PITPNA: variants seen among roughly 807,000 people sequenced by gnomAD.
PITPNA encodes phosphatidylinositol transfer protein alpha, also known as phosphatidylinositol transfer protein alpha isoform.
Under a neutral mutation model 50.3 loss-of-function variants are expected in PITPNA, and 13 were observed. That is an observed-to-expected ratio of 0.26 (90% CI 0.17 to 0.41). PITPNA has a LOEUF of 0.41. PITPNA is among the 10% of genes least tolerant of loss of function. The probability of loss-of-function intolerance (pLI) is 1.00; values close to 1 mark genes in which losing one functional copy is unlikely to be tolerated. For missense variants in PITPNA, 207 were observed against 333.4 expected, an observed-to-expected ratio of 0.62 and a Z score of 2.95; for synonymous variants, 120 against 119.6, an observed-to-expected ratio of 1.00 and a Z score of -0.02.
At chr17:1,546,592 C>T (rs1342324594) in intron 4 of PITPNA, among the ~76,000 whole-genome samples, 1 of 152,132 alleles carries the variant, frequency 6.6e-6, no homozygotes, top group Non-Finnish European at 1.5e-5. Flanking sequence ...GGGAGGACCC[C>T]GCAGCCCAAC....
chr17:1,528,607 G>A (rs1344358110), intron 10 of PITPNA, among the ~76,000 whole-genome samples: 2 of 151,916 alleles, frequency 1.3e-5, no homozygotes, highest in Non-Finnish European at 2.9e-5. Flanking sequence ...GTGTAGTGGT[G>A]GGACCTGAAG....
rs1282119818 is a variant in PITPNA, at chr17:1,520,102, GAGCACTCAAAATTGCGA to G, written c.*442_*458del. On this transcript the variant is annotated 3_prime_UTR_variant, in exon 12 of 12. Transcript: ENST00000313486. ...TTTAGCTCATCCCCGCTCCCCACAG[GAGCACTCAAAATTGCGA>G]AGATCTTCCCAGGAAGCAAAATACC... 2 of 152,156 alleles carry G rather than the reference GAGCACTCAAAATTGCGA, an allele frequency of 1.3e-5. No individual in the cohort carries two copies. The highest frequency in any genetic ancestry group is 2.9e-5 in the Non-Finnish European group (2 of 68,042). 9.4% of individuals were successfully genotyped at this position (152,156 alleles called of 1,614,324 possible).
intron 1 of PITPNA, among the ~76,000 whole-genome samples, chr17:1,560,401 C>CT (rs2075762175): frequency 1.3e-5 from 2 of 152,160 alleles, no homozygotes; most frequent in South Asian, 4.1e-4. Flanking sequence ...CCTGATGCCC[C>CT]TGCTCCTCCC....
At chr17:1,536,389 G>A (rs1048137779) in intron 7 of PITPNA, among the ~76,000 whole-genome samples, 5 of 149,182 alleles carry the variant, frequency 3.4e-5, no homozygotes, top group Admixed American at 6.8e-5. Context: ...CCAAGTTCAC[G>A]CCATTCTCCT....
chr17:1,521,514 G>T, intron 11 of PITPNA, 65 bp downstream of exon 11: 1 of 1,082,610 alleles, frequency 9.2e-7, no homozygotes, highest in Non-Finnish European at 1.4e-6. Context: ...GTGAGCTGCT[G>T]AGGCCTTGAA....
At chr17:1,552,324 C>T (rs1233690625) in intron 3 of PITPNA, among the ~76,000 whole-genome samples, 3 of 152,222 alleles carry the variant, frequency 2.0e-5, no homozygotes, top group East Asian at 1.9e-4. Context: ...CTTGGTTTGA[C>T]TTCCACTCAA....
At chr17:1,536,933 C>G (rs2075621601) in intron 7 of PITPNA, among the ~76,000 whole-genome samples, 1 of 136,704 alleles carries the variant, frequency 7.3e-6, no homozygotes, top group Admixed American at 7.7e-5. Flanking sequence ...GAGTTTCGCT[C>G]TGTCGCCCAG....
chr17:1,560,095 C>T (rs2075760278), intron 1 of PITPNA, among the ~76,000 whole-genome samples: 1 of 152,196 alleles, frequency 6.6e-6, no homozygotes, highest in Non-Finnish European at 1.5e-5. Flanking sequence ...GAAAAATCAA[C>T]AGGGGCAACC....
chr17:1,528,417 C>G (rs1400533316), intron 10 of PITPNA, among the ~76,000 whole-genome samples: 1 of 152,158 alleles, frequency 6.6e-6, no homozygotes. Context: ...GCTAGGATTA[C>G]AGGCTTTTGA....
chr17:1,536,454 ATT>A (rs200916480), intron 7 of PITPNA, among the ~76,000 whole-genome samples: 38 of 151,230 alleles, frequency 2.5e-4, no homozygotes, highest in African/African-American at 7.3e-4. Flanking sequence ...TGCCCGGCTA[ATT>A]TTTTTTGTAT....
At chr17:1,534,301 G>T in intron 9 of PITPNA, 80 bp from the exon 10 acceptor site, 1 of 1,559,224 alleles carries the variant, frequency 6.4e-7, no homozygotes, top group Non-Finnish European at 8.8e-7. Context: ...CACTCCACAC[G>T]AATACCCACA....
chr17:1,535,467 G>A lies in PITPNA; in HGVS notation c.508C>T (p.Arg170Ter). The A allele has an allele frequency of 2.5e-6, 4 of 1,613,390 alleles. No individual in the cohort carries two copies. The highest frequency in any genetic ancestry group is 1.3e-5 in the African/African-American group (1 of 75,016). The change falls in exon 8 of 12, where the codon CGA becomes TGA. Residue 170 changes from arginine to a stop codon, truncating the protein, a stop_gained. Transcript: ENST00000313486. LOFTEE classifies it high-confidence loss of function. ...TTCCAATTGGGGCCCAAGGGTCCTCGGCCTGTTTTGATAGATTTAAATTTT... is the reference window on the plus strand; with the variant it reads ...TTCCAATTGGGGCCCAAGGGTCCTCAGCCTGTTTTGATAGATTTAAATTTT... ...PAKFKSIKTG[R>*]GPLGPNWKQE... is the part of the protein sequence containing the mutation.
At chr17:1,560,758 A>C (rs1945887856) in intron 1 of PITPNA, among the ~76,000 whole-genome samples, 1 of 152,188 alleles carries the variant, frequency 6.6e-6, no homozygotes. Flanking sequence ...TGGCATCGTA[A>C]AGTTCTTCCT....
Position 1,541,572 on chromosome 17 carries a change from C to T in PITPNA, c.366G>A (p.Gln122=). The change falls in exon 6 of 12, where the codon CAG becomes CAA. Residue 122 remains glutamine (Q), a synonymous_variant. Transcript: ENST00000313486. ...TTTGGGAACTACTACTCACATTCTC[C>T]TGCGTGCCAAGATCTGGTTTGTGCC... is the stretch of plus-strand genomic sequence containing the variant. ...ETWHKPDLGT[Q]ENVHKLEPEA... is the part of the protein sequence containing the mutation. The T allele has an allele frequency of 6.2e-7, 1 of 1,612,254 alleles. No homozygotes were observed. The highest frequency in any genetic ancestry group is 8.5e-7 in the Non-Finnish European group (1 of 1,178,368).
intron 2 of PITPNA, among the ~76,000 whole-genome samples, chr17:1,555,824 A>G (rs898141165): frequency 2.0e-5 from 3 of 152,176 alleles, no homozygotes; most frequent in Admixed American, 2.0e-4. Context: ...TGGTGGACAC[A>G]CCCCGTCAAA....
chr17:1,537,089 C>T lies in PITPNA; in HGVS notation c.457-1571G>A, dbSNP rs567617969. Reference sequence around the variant, plus strand: ...AATTTTGTATTTTTTTTTTTTGACACAGTTTCACTCTTTTTGCCCAGGCTG... The same window carrying T: ...AATTTTGTATTTTTTTTTTTTGACATAGTTTCACTCTTTTTGCCCAGGCTG... On this transcript the variant is annotated intron_variant, in intron 7 of 11. Coordinates refer to ENST00000313486, the MANE Select transcript of PITPNA (RefSeq NM_006224.4). Among the ~76,000 whole-genome samples the T allele has an allele frequency of 1.1e-4, 16 of 150,284 alleles. 1 individual carries two copies. The South Asian group carries it at 3.4e-3, about 31-fold the overall frequency.
chr17:1,526,913 CCA>C (rs1200167709), intron 10 of PITPNA, among the ~76,000 whole-genome samples: 1 of 152,062 alleles, frequency 6.6e-6, no homozygotes, highest in Non-Finnish European at 1.5e-5. Flanking sequence ...TAGAGGTGCA[CCA>C]CATCCAGCTA....
chr17:1,521,873 CTTTTT>C (rs869029944), intron 10 of PITPNA, among the ~76,000 whole-genome samples: 15 of 121,830 alleles, frequency 1.2e-4, no homozygotes, highest in Admixed American at 9.9e-4. Flanking sequence ...TTTGAAGCAC[CTTTTT>C]TTTTTTTTTT....
chr17:1,562,463 T>A lies in PITPNA; in HGVS notation c.20+78A>T. The A allele has an allele frequency of 8.2e-7, 1 of 1,219,446 alleles. No homozygotes were observed. Among genetic ancestry groups the A allele is most frequent in the South Asian group, 1.6e-5 (1 of 62,550 alleles). 75.5% of individuals were successfully genotyped at this position (1,219,446 alleles called of 1,614,324 possible). ...CCCCTCCGTCCATCCGGGCCCTGCG[T>A]CCCTCGCCGCGCCGTCGCCCCGGCG... is the stretch of plus-strand genomic sequence containing the variant. On this transcript the variant is annotated intron_variant, in intron 1 of 11. Transcript: ENST00000313486. The surrounding 1 kb of genome is among the most constrained non-coding windows in gnomAD (Gnocchi z 6.4).
Sources: gnomAD v4.1 joint callset for allele counts (sites outside exome capture counted in the v4.1 genomes callset) on GRCh38, gnomAD v4.1.1 for gene constraint, Gnocchi (gnomAD v3.1) non-coding constraint, MANE v1.5 for transcripts, NCBI Gene and HGNC (gene_info 2026-07-23, HGNC 2026-07-21) for gene names.